The following KCNK2 variants were observed in gnomAD, a reference collection of about 807,000 sequenced individuals.
KCNK2 encodes the protein potassium channel subfamily K member 2.
A neutral mutation model predicts 40.5 loss-of-function variants in KCNK2; 21 were observed. The ratio of observed to expected loss-of-function variants is 0.52; its 90% CI spans 0.37 to 0.75. KCNK2 has a LOEUF of 0.75. KCNK2 is among the 30% of genes least tolerant of loss of function. The pLI is 0.00. For synonymous variants in KCNK2, 191 were observed against 202.2 expected (o/e 0.94, Z 0.47); for missense variants, 399 against 531.6 (o/e 0.75, Z 2.45).
chr1:215,223,539 T>G (rs1344001101), intron 6 of KCNK2, among the ~76,000 whole-genome samples: 1 of 152,082 alleles, frequency 6.6e-6, no homozygotes, highest in South Asian at 2.1e-4. Flanking sequence ...GGAAAAAAAG[T>G]GACCTTGTAC....
At chr1:215,101,413 GT>G (rs1005432798) in intron 2 of KCNK2, among the ~76,000 whole-genome samples, 22 of 151,792 alleles carry the variant, frequency 1.4e-4, no homozygotes, top group Admixed American at 4.0e-4. Context: ...GTTTTTTGGG[GT>G]GGGCAGGAAG....
chr1:215,111,445 A>AT (rs1036107616), intron 2 of KCNK2, among the ~76,000 whole-genome samples: 1 of 151,840 alleles, frequency 6.6e-6, no homozygotes, highest in South Asian at 2.1e-4. Context: ...CTTTTAAATT[A>AT]TTTTTTTCCT....
In KCNK2 at chr1:215,083,224, CCGCT is replaced by C; in HGVS notation, c.-160_-157del. ...CCCCCGCCCCCTCCCGCGTCCAGCCCCGCTCTCCCCACCTTGTAAAACAAAGCCG... is the reference window on the plus strand; with the variant it reads ...CCCCCGCCCCCTCCCGCGTCCAGCCCCTCCCCACCTTGTAAAACAAAGCCG... On this transcript the variant is annotated 5_prime_UTR_variant, in exon 1 of 7. Coordinates refer to ENST00000444842, the MANE Select transcript of KCNK2 (RefSeq NM_001017425.3). 1.3e-6 allele frequency: 2 copies of C among 1,591,654 alleles called. No homozygotes were observed. Among genetic ancestry groups the C allele is most frequent in the Non-Finnish European group, 1.7e-6 (2 of 1,167,650 alleles).
At position 215,086,802 on chromosome 1, in the gene KCNK2, C is replaced by T. The variant is rs1418169716; in HGVS notation, c.357+124C>T. 6.2e-6 allele frequency: 5 copies of T among 804,666 alleles called. No individual in the cohort carries two copies. The Admixed American group carries it at 6.9e-5, about 11-fold the overall frequency. 49.8% of individuals were successfully genotyped at this position (804,666 alleles called of 1,614,324 possible). On this transcript the variant is annotated intron_variant, in intron 2 of 6. Coordinates refer to ENST00000444842, the MANE Select transcript of KCNK2 (RefSeq NM_001017425.3). ...TGGGAGCCCTATCCCACCTCATTTGCCTTAACATATAGCTCTTTTCCCCAG... is the reference window on the plus strand; with the variant it reads ...TGGGAGCCCTATCCCACCTCATTTGTCTTAACATATAGCTCTTTTCCCCAG...
At chr1:215,149,045 G>GTTTCA (rs1374799558) in intron 3 of KCNK2, among the ~76,000 whole-genome samples, 2 of 152,164 alleles carry the variant, frequency 1.3e-5, no homozygotes, top group Non-Finnish European at 2.9e-5. Context: ...AACGATTTTG[G>GTTTCA]AACACTTAAG....
In KCNK2 at chr1:215,044,833, G is replaced by GCA. The variant is rs113136371; in HGVS notation, c.34+38882_34+38883dup. On this transcript the variant is annotated intron_variant, in intron 1 of 6. Transcript: ENST00000391895. ...TGTGTGTGTGTGTGTGTGTGCGCGC[G>GCA]CACACGTGTGTTGATGACGAGTTGG... 3.3e-4 allele frequency among the ~76,000 whole-genome samples: 46 copies of GCA among 141,428 alleles called. 1 individual carries two copies. The highest frequency in any genetic ancestry group is 2.7e-3 in the Admixed American group (39 of 14,326). 92.8% of individuals were successfully genotyped at this position (141,428 alleles called of 152,430 possible).
intron 2 of KCNK2, among the ~76,000 whole-genome samples, chr1:215,108,138 A>G (rs1167848888): frequency 2.6e-5 from 4 of 152,126 alleles, no homozygotes; most frequent in Non-Finnish European, 5.9e-5. Context: ...ATCTAATGCC[A>G]TGACTGATCT....
rs1338218183 is a variant in KCNK2, at chr1:215,209,205, A to T, written c.963+14113A>T. 3.7e-5 allele frequency among the ~76,000 whole-genome samples: 5 copies of T among 133,424 alleles called. No individual in the cohort carries two copies. The South Asian group carries it at 1.1e-3, about 29-fold the overall frequency. 87.5% of individuals were successfully genotyped at this position (133,424 alleles called of 152,430 possible). On this transcript the variant is annotated intron_variant, in intron 6 of 6. Transcript: ENST00000444842. The stretch of plus-strand genomic sequence containing the variant: ...ATCTAGTTATAAATATATATATATA[A>T]AATATACACATATTTTTATATATAA...
chr1:215,159,111 T>C (rs1663076609), intron 3 of KCNK2, among the ~76,000 whole-genome samples: 1 of 152,224 alleles, frequency 6.6e-6, no homozygotes, highest in Non-Finnish European at 1.5e-5. Flanking sequence ...TTGTCATGCT[T>C]GCCCTGATGA....
chr1:215,006,079 C>T (rs1656117386), intron 1 of KCNK2: 3 of 813,872 alleles, frequency 3.7e-6, no homozygotes, highest in Non-Finnish European at 6.1e-6. Flanking sequence ...TATAATTAAA[C>T]TCATTGGGTG....
chr1:215,195,087 G>C lies in KCNK2; in HGVS notation c.958G>C (p.Glu320Gln), dbSNP rs1289660179. 2 of 1,603,104 alleles carry C rather than the reference G, an allele frequency of 1.2e-6. No individual in the cohort carries two copies. The highest frequency in any genetic ancestry group is 2.2e-5 in the East Asian group (1 of 44,454). The change falls in exon 6 of 7, where the codon GAA (glutamate) becomes CAA (glutamine). Residue 320 changes from glutamate (E) to glutamine (Q), a missense_variant. By Grantham distance (29) the Glu-to-Gln change is conservative. This residue lies in a region of KCNK2 where 17 missense variants were observed against 53.4 expected (regional missense o/e 0.32). Coordinates refer to ENST00000444842, the MANE Select transcript of KCNK2 (RefSeq NM_001017425.3). ...WLRVISKKTK[E>Q]EVGEFRAHAA... ...CCGAGTGATATCTAAAAAGACAAAAGAAGAGGTGAGAATTAAGAAGTGTGC... is the reference window on the plus strand; with the variant it reads ...CCGAGTGATATCTAAAAAGACAAAACAAGAGGTGAGAATTAAGAAGTGTGC...
At chr1:215,073,766 C>T (rs1332252959) in intron 1 of KCNK2, among the ~76,000 whole-genome samples, 1 of 152,060 alleles carries the variant, frequency 6.6e-6, no homozygotes, top group South Asian at 2.1e-4. Context: ...ACCTCACATG[C>T]GTCTTATTTG....
chr1:215,145,560 A>G (rs1662378204), intron 3 of KCNK2, among the ~76,000 whole-genome samples: 1 of 152,162 alleles, frequency 6.6e-6, no homozygotes, highest in African/African-American at 2.4e-5. Flanking sequence ...TAAAATGAAA[A>G]AAATATATGT....
At chr1:215,093,545 A>G (rs1365876530) in intron 2 of KCNK2, among the ~76,000 whole-genome samples, 1 of 111,464 alleles carries the variant, frequency 9.0e-6, no homozygotes, top group Non-Finnish European at 1.7e-5. Flanking sequence ...TATATATACT[A>G]TATTGTATAT....
At chr1:215,135,962 T>G (rs1308746722) in intron 3 of KCNK2, among the ~76,000 whole-genome samples, 1 of 152,136 alleles carries the variant, frequency 6.6e-6, no homozygotes, top group East Asian at 1.9e-4. Context: ...CTCAATCTCT[T>G]GACCTCATGA....
At chr1:215,105,352 T>A (rs1660390635) in intron 2 of KCNK2, among the ~76,000 whole-genome samples, 1 of 152,138 alleles carries the variant, frequency 6.6e-6, no homozygotes. Flanking sequence ...ACGTGATTGG[T>A]TTACTTAGCG....
In KCNK2 at chr1:215,230,300, C is replaced by T. The variant is rs371437664; in HGVS notation, c.964-4528C>T. 1.4e-3 allele frequency among the ~76,000 whole-genome samples: 205 copies of T among 150,180 alleles called. 6 individuals carry two copies. In the South Asian group the frequency reaches 0.041, roughly 30 times the overall value. On this transcript the variant is annotated intron_variant, in intron 6 of 6. Coordinates refer to ENST00000444842, the MANE Select transcript of KCNK2 (RefSeq NM_001017425.3). ...ATTGCTCCTAGGCTACAAATCTTTACGGCATGTTACTGTAGTGAATACTGC... is the reference window on the plus strand; with the variant it reads ...ATTGCTCCTAGGCTACAAATCTTTATGGCATGTTACTGTAGTGAATACTGC...
intron 6 of KCNK2, among the ~76,000 whole-genome samples, chr1:215,195,701 G>A (rs1181530972): frequency 6.6e-6 from 1 of 151,946 alleles, no homozygotes; most frequent in Non-Finnish European, 1.5e-5. Flanking sequence ...ATGAAATTTG[G>A]GAAAATTTGA....
chr1:215,058,177 T>C (rs1194574030), intron 1 of KCNK2, among the ~76,000 whole-genome samples: 4 of 152,136 alleles, frequency 2.6e-5, no homozygotes, highest in Non-Finnish European at 5.9e-5. Flanking sequence ...TCTGTCCTTC[T>C]CACAGCCATG....
Sources: allele counts gnomAD v4.1 joint callset (sites outside exome capture counted in the v4.1 genomes callset), GRCh38; gene constraint gnomAD v4.1.1; regional missense constraint gnomAD v4.1.1; transcripts MANE v1.5; gene names NCBI Gene and HGNC (gene_info 2026-07-23, HGNC 2026-07-21).